BCAR3: variants seen among roughly 807,000 people sequenced by gnomAD.
BCAR3 encodes the protein breast cancer anti-estrogen resistance protein 3.
BCAR3 carries 37 observed loss-of-function variants against 80.1 expected under a neutral mutation model. The observed-to-expected ratio is 0.46, with a 90% CI of 0.36 to 0.61. The LOEUF (loss-of-function observed/expected upper bound fraction) is 0.61, where lower values mean the gene tolerates loss of function less well. Ranked by LOEUF, BCAR3 falls within the 20% of genes least tolerant of loss-of-function variation. The probability of loss-of-function intolerance (pLI) is 0.00; values close to 1 mark genes in which losing one functional copy is unlikely to be tolerated. For synonymous variants in BCAR3, 389 were observed against 418.9 expected (o/e 0.93, Z 0.87); for missense variants, 978 against 1,068.2 (o/e 0.92, Z 1.18).
intron 2 of BCAR3, among the ~76,000 whole-genome samples, chr1:93,725,620 A>G (rs546593121): frequency 1.3e-5 from 2 of 152,320 alleles, no homozygotes; most frequent in Non-Finnish European, 2.9e-5. Flanking sequence ...ATTTTAATGT[A>G]GCTTAACTTA....
chr1:93,800,077 G>A (rs550368239), intron 2 of BCAR3, among the ~76,000 whole-genome samples: 1 of 152,202 alleles, frequency 6.6e-6, no homozygotes, highest in South Asian at 2.1e-4. Flanking sequence ...TACAAGGACT[G>A]GTGGAAGAGA....
At position 93,752,705 on chromosome 1, in the gene BCAR3, T is replaced by A. The variant is rs991609448; in HGVS notation, c.-62-46563A>T. Among the ~76,000 whole-genome samples, 7 of 152,220 alleles carry A rather than the reference T, an allele frequency of 4.6e-5. No homozygotes were observed. The South Asian group carries it at 1.2e-3, about 27-fold the overall frequency. ...TGAGCTCTGTGACATTTGTGAGTGTTGTCTGTGAGCCCAGTGAAGGCAGGA... is the reference window on the plus strand; with the variant it reads ...TGAGCTCTGTGACATTTGTGAGTGTAGTCTGTGAGCCCAGTGAAGGCAGGA... On this transcript the variant is annotated intron_variant, in intron 2 of 13. Coordinates refer to the BCAR3 transcript ENST00000370244.
chr1:93,801,095 C>G (rs1653461599), intron 2 of BCAR3, among the ~76,000 whole-genome samples: 1 of 152,220 alleles, frequency 6.6e-6, no homozygotes, highest in South Asian at 2.1e-4. Context: ...CCGTATTCCT[C>G]TTTTCCTTTT....
chr1:93,753,216 G>A (rs544130630), intron 2 of BCAR3: 12 of 152,316 alleles, frequency 7.9e-5, no homozygotes, highest in African/African-American at 2.9e-4. Flanking sequence ...GAATGATACA[G>A]CTGCGATTCA....
chr1:93,562,525 T>A, intron 11 of BCAR3, 106 bp from the exon 12 acceptor site: 1 of 983,490 alleles, frequency 1.0e-6, no homozygotes. Context: ...ATCCCAGCAC[T>A]TTGGGAGGCC....
At chr1:93,609,681 T>C (rs1674892508) in intron 3 of BCAR3, among the ~76,000 whole-genome samples, 2 of 152,196 alleles carry the variant, frequency 1.3e-5, no homozygotes, top group Non-Finnish European at 2.9e-5. Flanking sequence ...GTTCCTCCTC[T>C]AGCTCACCAG....
At position 93,784,888 on chromosome 1, in the gene BCAR3, T is replaced by C. The variant is rs547853407; in HGVS notation, c.-63+60679A>G. Among the ~76,000 whole-genome samples, 10 of 152,342 alleles carry C rather than the reference T, an allele frequency of 6.6e-5. No homozygotes were observed. The South Asian group carries it at 1.9e-3, about 28-fold the overall frequency. On this transcript the variant is annotated intron_variant, in intron 2 of 13. Coordinates refer to the BCAR3 transcript ENST00000370244. The stretch of plus-strand genomic sequence containing the variant: ...TGTTAGGAAACTTTGACGTTGGTGC[T>C]CCCTGTATGAGCTTCCCTTACTCCT...
chr1:93,819,217 C>T (rs558101596), intron 2 of BCAR3, among the ~76,000 whole-genome samples: 1 of 152,292 alleles, frequency 6.6e-6, no homozygotes, highest in East Asian at 1.9e-4. Flanking sequence ...CAGGCGTGTG[C>T]TGCCACACCC....
chr1:93,718,077 G>T (rs1650250627), intron 2 of BCAR3, among the ~76,000 whole-genome samples: 1 of 152,036 alleles, frequency 6.6e-6, no homozygotes, highest in Admixed American at 6.6e-5. Context: ...GACTTTCTCT[G>T]GAAACTTCCT....
chr1:93,570,040 G>A lies in BCAR3; in HGVS notation c.1974+1630C>T, dbSNP rs117825310. On this transcript the variant is annotated intron_variant, in intron 9 of 11. Coordinates refer to ENST00000260502, the MANE Select transcript of BCAR3 (RefSeq NM_003567.4). ...AGAAATCAGTATATCATGAAAATCT[G>A]GCAGAACTTATGGGCTGCTTATTTC... Among the ~76,000 whole-genome samples the A allele has an allele frequency of 3.9e-5, 6 of 152,248 alleles. No individual in the cohort carries two copies. The East Asian group carries it at 1.2e-3, about 29-fold the overall frequency.
chr1:93,628,344 G>A (rs1675510892), intron 3 of BCAR3, among the ~76,000 whole-genome samples: 1 of 152,150 alleles, frequency 6.6e-6, no homozygotes, highest in Non-Finnish European at 1.5e-5. Context: ...TGGTCTCCCT[G>A]CTTCTGCCCC....
chr1:93,746,793 C>T (rs149452142), intron 2 of BCAR3, among the ~76,000 whole-genome samples: 48 of 152,274 alleles, frequency 3.2e-4, no homozygotes, highest in African/African-American at 1.1e-3. Flanking sequence ...TGGAGTCTGG[C>T]TTTTACCCCC....
intron 2 of BCAR3, among the ~76,000 whole-genome samples, chr1:93,723,818 T>C (rs1650489962): frequency 6.6e-6 from 1 of 152,166 alleles, no homozygotes; most frequent in African/African-American, 2.4e-5. Context: ...CAGCTGGGAC[T>C]GGAATGCAGG....
intron 2 of BCAR3, among the ~76,000 whole-genome samples, chr1:93,751,364 C>T (rs1208172229): frequency 6.6e-6 from 1 of 152,090 alleles, no homozygotes; most frequent in African/African-American, 2.4e-5. Flanking sequence ...TATTTGGTTC[C>T]CCTGGTTCCT....
At chr1:93,736,297 C>A (rs1417244117) in intron 2 of BCAR3, among the ~76,000 whole-genome samples, 1 of 152,218 alleles carries the variant, frequency 6.6e-6, no homozygotes, top group Non-Finnish European at 1.5e-5. Context: ...AAGCTATTCT[C>A]CTGCCTCAGC....
At chr1:93,782,363 G>A (rs1652792973) in intron 2 of BCAR3, among the ~76,000 whole-genome samples, 1 of 152,174 alleles carries the variant, frequency 6.6e-6, no homozygotes. Context: ...CCCCACATGA[G>A]TGCAAATGAA....
At chr1:93,700,121 A>G (rs1389600377) in intron 3 of BCAR3, among the ~76,000 whole-genome samples, 1 of 151,974 alleles carries the variant, frequency 6.6e-6, no homozygotes, top group African/African-American at 2.4e-5. Flanking sequence ...CACACCCAAG[A>G]CTCCAGGAGT....
intron 3 of BCAR3, among the ~76,000 whole-genome samples, chr1:93,625,359 T>A (rs1675425714): frequency 6.6e-6 from 1 of 152,148 alleles, no homozygotes; most frequent in Non-Finnish European, 1.5e-5. Flanking sequence ...GGGACTTGAC[T>A]CTATTCTGTC....
At chr1:93,648,975 T>C (rs888999682) in intron 2 of BCAR3, among the ~76,000 whole-genome samples, 2 of 152,240 alleles carry the variant, frequency 1.3e-5, no homozygotes, top group African/African-American at 4.8e-5. Context: ...TCTCACTGAC[T>C]GTTCCCTGCT....
Sources: allele counts gnomAD v4.1 joint callset (sites outside exome capture counted in the v4.1 genomes callset), GRCh38; gene constraint gnomAD v4.1.1; transcripts MANE v1.5; gene names NCBI Gene and HGNC (gene_info 2026-07-23, HGNC 2026-07-21).